ARHGEF28: variants seen among roughly 807,000 people sequenced by gnomAD.
ARHGEF28 encodes Rho guanine nucleotide exchange factor 28.
A neutral mutation model predicts 206.6 loss-of-function variants in ARHGEF28; 152 were observed. That is an observed-to-expected ratio of 0.74 (90% CI 0.64 to 0.84). ARHGEF28 has a LOEUF of 0.84. Among genes scored for constraint, ARHGEF28 ranks in the 40% least tolerant of loss-of-function variants. ARHGEF28 has a pLI of 0.00. For synonymous variants in ARHGEF28, 763 were observed against 776.4 expected (o/e 0.98, Z 0.29); for missense variants, 2,028 against 2,073.2 (o/e 0.98, Z 0.42).
chr5:73,658,680 C>G (rs1319570855), intron 1 of ARHGEF28, among the ~76,000 whole-genome samples: 1 of 152,072 alleles, frequency 6.6e-6, no homozygotes, highest in East Asian at 1.9e-4. Flanking sequence ...AAAAATATTG[C>G]AGTTAGGTGT....
chr5:73,759,369 A>G (rs1371493304), intron 4 of ARHGEF28, among the ~76,000 whole-genome samples: 3 of 152,242 alleles, frequency 2.0e-5, no homozygotes, highest in African/African-American at 7.2e-5. Context: ...TGGCCCACAC[A>G]TGTAATGTAT....
At chr5:73,805,385 T>C (rs932570140) in intron 9 of ARHGEF28, among the ~76,000 whole-genome samples, 3 of 152,158 alleles carry the variant, frequency 2.0e-5, no homozygotes, top group African/African-American at 7.2e-5. Context: ...ATTAAAAATG[T>C]AAGAAATAAC....
intron 25 of ARHGEF28, among the ~76,000 whole-genome samples, chr5:73,886,787 T>A (rs1761328113): frequency 6.6e-6 from 1 of 152,234 alleles, no homozygotes; most frequent in African/African-American, 2.4e-5. Flanking sequence ...CTGATTTTTA[T>A]CACTGTGAGG....
chr5:73,852,515 G>T, intron 13 of ARHGEF28, 135 bp from the exon 14 acceptor site: 1 of 753,232 alleles, frequency 1.3e-6, no homozygotes, highest in Non-Finnish European at 2.2e-6. Context: ...CTTATATAAG[G>T]TAACTCATTT....
chr5:73,869,585 T>C (rs1759956713), intron 20 of ARHGEF28, among the ~76,000 whole-genome samples: 1 of 152,232 alleles, frequency 6.6e-6, no homozygotes, highest in Non-Finnish European at 1.5e-5. Context: ...TGTCTTAATT[T>C]GGACCATTTC....
intron 1 of ARHGEF28, among the ~76,000 whole-genome samples, chr5:73,683,314 T>C (rs1461884258): frequency 1.3e-5 from 2 of 152,160 alleles, no homozygotes; most frequent in Non-Finnish European, 2.9e-5. Flanking sequence ...CTTTCATCTA[T>C]GCAAAACTGA....
chr5:73,916,996 T>C lies in ARHGEF28; in HGVS notation c.4948+5421T>C, dbSNP rs1016245816. 2.0e-5 allele frequency among the ~76,000 whole-genome samples: 3 copies of C among 152,168 alleles called. No homozygotes were observed. In the South Asian group the frequency reaches 6.2e-4, roughly 32 times the overall value. ...TCAAGCCTAGTTCAACACATAGAAA[T>C]TAAGGCAGGAATATTGAATCCATTT... On this transcript the variant is annotated intron_variant, in intron 35 of 35. Transcript: ENST00000513042.
Position 73,926,958 on chromosome 5 carries a change from G to A in ARHGEF28, c.4949-13886G>A, listed in dbSNP as rs554515172. Among the ~76,000 whole-genome samples the A allele has an allele frequency of 9.0e-4, 137 of 152,266 alleles. 2 individuals are homozygous for A. The highest frequency in any genetic ancestry group is 6.3e-4 in the African/African-American group (26 of 41,558). ...TTCATGATCCTTGCTCTTGATGGCC[G>A]ATTCCATTAAAGAGGAGTTAATTAC... On this transcript the variant is annotated intron_variant, in intron 35 of 35. Transcript: ENST00000513042.
Position 73,773,774 on chromosome 5 carries a change from T to C in ARHGEF28, c.476-81T>C, listed in dbSNP as rs993223995. On this transcript the variant is annotated intron_variant, in intron 4 of 35. Transcript: ENST00000513042. ...CTCTGACATTCTTATTATGTCTAAA[T>C]ACACTGTCCCTTTGATAAAATGTGT... 1.9e-5 allele frequency: 25 copies of C among 1,282,438 alleles called. No individual in the cohort carries two copies. In the African/African-American group the frequency reaches 3.1e-4, roughly 16 times the overall value. The allele number at this position is 1,282,438 out of a possible 1,614,324, so 79.4% of individuals were successfully genotyped here.
At chr5:73,709,727 G>A (rs1749135903) in intron 2 of ARHGEF28, among the ~76,000 whole-genome samples, 1 of 152,156 alleles carries the variant, frequency 6.6e-6, no homozygotes, top group Non-Finnish European at 1.5e-5. Context: ...GATGCAGTTT[G>A]TCAGTTTGCC....
At chr5:73,756,744 G>A (rs949374879) in intron 4 of ARHGEF28, among the ~76,000 whole-genome samples, 5 of 152,052 alleles carry the variant, frequency 3.3e-5, no homozygotes, top group Admixed American at 6.5e-5. Flanking sequence ...AACAAATTGG[G>A]CATTTAGATG....
Position 73,698,296 on chromosome 5 carries a change from T to C in ARHGEF28, c.33+13412T>C, listed in dbSNP as rs1288928557. Among the ~76,000 whole-genome samples, 6 of 152,156 alleles carry C rather than the reference T, an allele frequency of 3.9e-5. No individual in the cohort carries two copies. The East Asian group carries it at 1.2e-3, about 29-fold the overall frequency. On this transcript the variant is annotated intron_variant, in intron 2 of 35. Transcript: ENST00000513042. ...ACCCCACCCCTTACCCTGCATAGAA[T>C]ACTTTTAATTTCTCTGTAACATCAT...
At chr5:73,744,838 C>T (rs866086030) in intron 2 of ARHGEF28, among the ~76,000 whole-genome samples, 17 of 152,026 alleles carry the variant, frequency 1.1e-4, no homozygotes, top group Middle Eastern at 6.8e-3. Context: ...CCCATTTTTG[C>T]CTGTTACTAT....
At chr5:73,683,585 A>AT (rs1457071612) in intron 1 of ARHGEF28, among the ~76,000 whole-genome samples, 1 of 151,416 alleles carries the variant, frequency 6.6e-6, no homozygotes, top group Non-Finnish European at 1.5e-5. Context: ...TGTATATCAC[A>AT]TTTTGTTTAT....
chr5:73,794,219 A>G (rs1009052278), intron 7 of ARHGEF28, 183 bp from the exon 8 acceptor site: 20 of 516,236 alleles, frequency 3.9e-5, no homozygotes, highest in African/African-American at 3.2e-4. Flanking sequence ...ATACCAGAGT[A>G]TGGACAGTCG....
intron 7 of ARHGEF28, among the ~76,000 whole-genome samples, chr5:73,793,814 T>C (rs1321683828): frequency 2.2e-5 from 3 of 138,916 alleles, no homozygotes; most frequent in South Asian, 2.3e-4. Flanking sequence ...TTTTTTTTTT[T>C]CTTCATCCCA....
At chr5:73,655,344 G>T (rs1373944513) in intron 1 of ARHGEF28, among the ~76,000 whole-genome samples, 3 of 152,082 alleles carry the variant, frequency 2.0e-5, no homozygotes, top group African/African-American at 4.8e-5. Context: ...AATGATTTTT[G>T]ACCTGTTTAA....
At chr5:73,779,951 A>G (rs1753740548) in intron 6 of ARHGEF28, among the ~76,000 whole-genome samples, 1 of 152,228 alleles carries the variant, frequency 6.6e-6, no homozygotes. Context: ...CCAAGGGGAT[A>G]AGGGACCTAT....
chr5:73,691,844 C>T (rs1747851591), intron 2 of ARHGEF28, among the ~76,000 whole-genome samples: 1 of 152,158 alleles, frequency 6.6e-6, no homozygotes, highest in Admixed American at 6.5e-5. Flanking sequence ...CAGTTCTTGG[C>T]AATCATGAAC....
Sources: gnomAD v4.1 joint callset for allele counts (sites outside exome capture counted in the v4.1 genomes callset) on GRCh38, gnomAD v4.1.1 for gene constraint, MANE v1.5 for transcripts, NCBI Gene and HGNC (gene_info 2026-07-23, HGNC 2026-07-21) for gene names.